The following RORA variants were observed in gnomAD, a reference collection of about 807,000 sequenced individuals.
RORA encodes nuclear receptor ROR-alpha.
Under a neutral mutation model 69.5 loss-of-function variants are expected in RORA, and 7 were observed. The observed-to-expected ratio is 0.10, with a 90% CI of 0.06 to 0.19. The LOEUF (loss-of-function observed/expected upper bound fraction) is 0.19. Among genes scored for constraint, RORA ranks in the 10% least tolerant of loss-of-function variants. RORA has a pLI of 1.00. For missense variants in RORA, 457 were observed against 663.0 expected (o/e 0.69, Z 3.41); for synonymous variants, 261 against 240.8 (o/e 1.08, Z -0.78).
At chr15:61,181,680 CAAAAAAAAAAA>C (rs749054081) in intron 1 of RORA, among the ~76,000 whole-genome samples, 25 of 57,764 alleles carry the variant, frequency 4.3e-4, no homozygotes, top group African/African-American at 1.3e-3. Flanking sequence ...TTAGCTTTGG[CAAAAAAAAAAA>C]AAAAAAAAAA....
intron 1 of RORA, among the ~76,000 whole-genome samples, chr15:60,800,992 A>G (rs1263024995): frequency 6.6e-6 from 1 of 152,246 alleles, no homozygotes; most frequent in East Asian, 1.9e-4. Context: ...TGATTGCTGC[A>G]TGCCTATTAA....
intron 2 of RORA, among the ~76,000 whole-genome samples, chr15:60,669,647 G>C (rs747712183): frequency 2.7e-5 from 4 of 145,966 alleles, no homozygotes; most frequent in African/African-American, 1.0e-4. Flanking sequence ...CAGTCAGACC[G>C]ATCTACACAA....
At chr15:60,792,255 A>C (rs1238532335) in intron 1 of RORA, among the ~76,000 whole-genome samples, 1 of 152,214 alleles carries the variant, frequency 6.6e-6, no homozygotes, top group Admixed American at 6.5e-5. Flanking sequence ...TTCAATCTTA[A>C]GAACAAAGAG....
chr15:60,499,759 A>C (rs2065272785), intron 10 of RORA, 133 bp downstream of exon 10: 1 of 540,350 alleles, frequency 1.9e-6, no homozygotes, highest in Non-Finnish European at 3.3e-6. Context: ...ATGGAAATTT[A>C]TTTCTTTTTA....
chr15:60,735,678 A>G (rs1035996322), intron 1 of RORA, among the ~76,000 whole-genome samples: 1 of 152,180 alleles, frequency 6.6e-6, no homozygotes, highest in Admixed American at 6.5e-5. Flanking sequence ...TGTGAATTGG[A>G]ATGTGGCAGG....
chr15:60,868,960 C>T (rs182574510), intron 1 of RORA, among the ~76,000 whole-genome samples: 1 of 152,284 alleles, frequency 6.6e-6, no homozygotes, highest in African/African-American at 2.4e-5. Context: ...CAGTACACTT[C>T]AAACAAGGAA....
At chr15:61,214,413 A>G (rs1045595329) in intron 1 of RORA, among the ~76,000 whole-genome samples, 2 of 152,240 alleles carry the variant, frequency 1.3e-5, no homozygotes, top group Non-Finnish European at 2.9e-5. Context: ...TTTCAAAGAC[A>G]GGGAGTGAAC....
rs574537551 is a variant in RORA, at chr15:60,943,865, G to A, written c.167-265179C>T. Among the ~76,000 whole-genome samples, 51 of 120,728 alleles carry A rather than the reference G, an allele frequency of 4.2e-4. 1 individual carries two copies. The South Asian group carries it at 5.6e-3, about 13-fold the overall frequency. The allele number at this position is 120,728 out of a possible 152,430, so 79.2% of individuals were successfully genotyped here. A position where few individuals can be genotyped will look rare whatever the true frequency, so the allele number is the denominator to read the frequency against. ...TGGGAGGCAGAGGTTGCAGTGACCC[G>A]AGATCATGCCACTGCACTCCAACAT... On this transcript the variant is annotated intron_variant, in intron 1 of 10. Coordinates refer to ENST00000335670, the MANE Select transcript of RORA (RefSeq NM_134261.3).
Position 60,676,437 on chromosome 15 carries a change from A to G in RORA, c.196+2220T>C, listed in dbSNP as rs56880389. On this transcript the variant is annotated intron_variant, in intron 2 of 10. Transcript: ENST00000335670. ...AGGTGCTATTCTTTCCAATTTTGTCATTCGGCCATTTTTTATTCTGGGCCC... is the reference window on the plus strand; with the variant it reads ...AGGTGCTATTCTTTCCAATTTTGTCGTTCGGCCATTTTTTATTCTGGGCCC... Among the ~76,000 whole-genome samples the G allele has an allele frequency of 4.3e-4, 66 of 152,266 alleles. 2 individuals carry two copies. In the East Asian group the frequency reaches 0.012, roughly 27 times the overall value.
intron 1 of RORA, among the ~76,000 whole-genome samples, chr15:61,048,103 A>C (rs1897121574): frequency 6.6e-6 from 1 of 152,224 alleles, no homozygotes; most frequent in African/African-American, 2.4e-5. Flanking sequence ...AAAACTGTAC[A>C]ACAGTTTCTG....
chr15:61,215,031 A>ATTTT (rs61132940), intron 1 of RORA, among the ~76,000 whole-genome samples: 4 of 80,624 alleles, frequency 5.0e-5, no homozygotes, highest in Non-Finnish European at 4.6e-5. Context: ...CGCCCAGCTA[A>ATTTT]TTTTTTTTTT....
chr15:60,779,396 G>A (rs2072221781), intron 1 of RORA, among the ~76,000 whole-genome samples: 1 of 152,084 alleles, frequency 6.6e-6, no homozygotes, highest in African/African-American at 2.4e-5. Flanking sequence ...AAATGCCCAG[G>A]GCAGTCTAAT....
intron 1 of RORA, among the ~76,000 whole-genome samples, chr15:60,821,441 G>T (rs552879815): frequency 6.6e-6 from 1 of 152,282 alleles, no homozygotes; most frequent in African/African-American, 2.4e-5. Flanking sequence ...TTAAGAGCCT[G>T]CTCCTTCTTC....
chr15:61,144,155 A>C (rs2079325043), intron 1 of RORA, among the ~76,000 whole-genome samples: 1 of 152,204 alleles, frequency 6.6e-6, no homozygotes, highest in Non-Finnish European at 1.5e-5. Context: ...GTGGAGAGTC[A>C]TGTGCAGGTT....
chr15:61,129,942 G>A (rs946242549), intron 1 of RORA, among the ~76,000 whole-genome samples: 11 of 152,126 alleles, frequency 7.2e-5, no homozygotes, highest in African/African-American at 2.7e-4. Context: ...TCCTCAGAGT[G>A]TTTACAAACA....
intron 1 of RORA, among the ~76,000 whole-genome samples, chr15:61,166,001 T>G (rs765312960): frequency 4.6e-5 from 7 of 152,212 alleles, no homozygotes; most frequent in Non-Finnish European, 8.8e-5. Flanking sequence ...GAGCTCGATG[T>G]GGGACTCTGA....
At chr15:61,082,019 TG>T (rs1258688559) in intron 1 of RORA, among the ~76,000 whole-genome samples, 1 of 152,104 alleles carries the variant, frequency 6.6e-6, no homozygotes, top group African/African-American at 2.4e-5. Context: ...TTCCAAAACA[TG>T]GGGATACTAC....
chr15:60,571,777 T>C (rs558104540), intron 2 of RORA, among the ~76,000 whole-genome samples: 5 of 152,336 alleles, frequency 3.3e-5, no homozygotes, highest in African/African-American at 1.2e-4. Context: ...GACTGTTGTA[T>C]TTAGCTATGT....
intron 1 of RORA, among the ~76,000 whole-genome samples, chr15:61,015,647 T>C (rs1895255986): frequency 6.6e-6 from 1 of 152,208 alleles, no homozygotes; most frequent in Non-Finnish European, 1.5e-5. Context: ...TCTGTGCTAT[T>C]ATTATTTTAC....
Sources: gnomAD v4.1 joint callset for allele counts (sites outside exome capture counted in the v4.1 genomes callset) on GRCh38, gnomAD v4.1.1 for gene constraint, MANE v1.5 for transcripts, NCBI Gene and HGNC (gene_info 2026-07-23, HGNC 2026-07-21) for gene names.